Variants in SLC38A1 observed in about 807,000 individuals in gnomAD.
SLC38A1 encodes solute carrier family 38 member 1.
In SLC38A1, 18 loss-of-function variants were observed where a neutral mutation model predicts 60.3. The observed-to-expected ratio is 0.30, with a 90% CI of 0.21 to 0.44. The LOEUF is 0.44. Among genes scored for constraint, SLC38A1 ranks in the 20% least tolerant of loss-of-function variants. The pLI, the probability that SLC38A1 is intolerant of heterozygous loss-of-function variation, is 1.00. For synonymous variants in SLC38A1, 196 were observed against 212.1 expected (o/e 0.92, Z 0.66); for missense variants, 448 against 587.2 (o/e 0.76, Z 2.45).
intron 7 of SLC38A1, 102 bp from the exon 8 acceptor site, chr12:46,207,338 A>G (rs1274870092): frequency 1.8e-6 from 2 of 1,114,414 alleles, no homozygotes; most frequent in East Asian, 2.5e-5. Context: ...TGTCAGTAAG[A>G]CACAAAGGCA....
chr12:46,220,018 T>G (rs1940594085), intron 5 of SLC38A1, among the ~76,000 whole-genome samples: 1 of 152,240 alleles, frequency 6.6e-6, no homozygotes, highest in South Asian at 2.1e-4. Context: ...AGAACCCCCT[T>G]ATCAGATGCA....
At position 46,188,834 on chromosome 12, in the gene SLC38A1, A is replaced by G; in HGVS notation, c.*136T>C. 1.5e-6 allele frequency: 1 copy of G among 678,372 alleles called. No individual in the cohort carries two copies. The allele number at this position is 678,372 out of a possible 1,614,324, so 42.0% of individuals were successfully genotyped here. A position where few individuals can be genotyped will look rare whatever the true frequency, so the allele number is the denominator to read the frequency against. On this transcript the variant is annotated 3_prime_UTR_variant, in exon 17 of 17. Coordinates refer to ENST00000398637, the MANE Select transcript of SLC38A1 (RefSeq NM_030674.4). ...GAACCATGTCTCTGTTTTGCAACCA[A>G]AAAGTTATTCCATTTTAAGTATCCT...
At chr12:46,223,313 T>C (rs760309722) in intron 5 of SLC38A1, among the ~76,000 whole-genome samples, 3 of 152,202 alleles carry the variant, frequency 2.0e-5, no homozygotes, top group Non-Finnish European at 2.9e-5. Context: ...GTGTAGCATA[T>C]ATAGATACTG....
At chr12:46,192,662 A>C (rs1402296755) in intron 16 of SLC38A1, among the ~76,000 whole-genome samples, 1 of 152,244 alleles carries the variant, frequency 6.6e-6, no homozygotes, top group African/African-American at 2.4e-5. Flanking sequence ...TAGTCTTGGG[A>C]GGGTTTATGT....
At chr12:46,190,483 T>C (rs1020753498) in intron 16 of SLC38A1, among the ~76,000 whole-genome samples, 2 of 152,254 alleles carry the variant, frequency 1.3e-5, no homozygotes, top group South Asian at 2.1e-4. Flanking sequence ...ATGGTATTTC[T>C]AGTTCTGGAT....
At position 46,207,593 on chromosome 12, in the gene SLC38A1, T is replaced by A; in HGVS notation, c.417A>T (p.Glu139Asp). 6.2e-7 allele frequency: 1 copy of A among 1,613,950 alleles called. No individual in the cohort carries two copies. The highest frequency in any genetic ancestry group is 8.5e-7 in the Non-Finnish European group (1 of 1,179,814). Residue 139 changes from glutamate (E) to aspartate (D), a missense_variant, in exon 7 of 17, where the codon GAA becomes GAT. Transcript: ENST00000398637. ...TGCMVYEKLG[E>D]QVFGTTGKFV... ...ACTTCCCTGTGGTGCCAAAGACTTG[T>A]TCCCCCAGCTTTTCATACACCATGC...
rs1230524695 is a variant in SLC38A1 at position 46,239,811 on chromosome 12, T to C, written c.-11A>G. ...TTTGAAATGCATCATGATTAGAAAG[T>C]GTCTGTAGTTTGAAAATTAGTCCAA... is the stretch of plus-strand genomic sequence containing the variant. On this transcript the variant is annotated 5_prime_UTR_variant, in exon 3 of 17. Transcript: ENST00000398637. 14 of 1,611,886 alleles carry C rather than the reference T, an allele frequency of 8.7e-6. No homozygotes were observed. Among genetic ancestry groups the C allele is most frequent in the South Asian group, 2.2e-5 (2 of 91,004 alleles).
intron 1 of SLC38A1, among the ~76,000 whole-genome samples, chr12:46,252,885 T>G (rs1941900060): frequency 6.6e-6 from 1 of 151,666 alleles, no homozygotes; most frequent in Non-Finnish European, 1.5e-5. Flanking sequence ...AAGGGGATCC[T>G]CTCATTTGCC....
chr12:46,216,758 G>A (rs988960651), intron 5 of SLC38A1, among the ~76,000 whole-genome samples: 1 of 152,126 alleles, frequency 6.6e-6, no homozygotes, highest in African/African-American at 2.4e-5. Context: ...TACTCGGGAG[G>A]CTGAGGCAGG....
chr12:46,261,069 T>A (rs757131884), intron 1 of SLC38A1, among the ~76,000 whole-genome samples: 12 of 152,202 alleles, frequency 7.9e-5, no homozygotes, highest in Non-Finnish European at 1.6e-4. Context: ...CTTATGCAGT[T>A]TTCTGCTTTG....
intron 1 of SLC38A1, among the ~76,000 whole-genome samples, chr12:46,252,097 A>G (rs1168044589): frequency 6.6e-6 from 1 of 152,222 alleles, no homozygotes; most frequent in Non-Finnish European, 1.5e-5. Context: ...CCAAATGTCC[A>G]TCGATGATAG....
At chr12:46,210,117 C>T (rs1328188890) in intron 5 of SLC38A1, among the ~76,000 whole-genome samples, 1 of 152,176 alleles carries the variant, frequency 6.6e-6, no homozygotes, top group Non-Finnish European at 1.5e-5. Context: ...GCGTGGGCTG[C>T]TTCCTCCTGG....
chr12:46,207,502 A>G, intron 7 of SLC38A1, 27 bp downstream of exon 7: 3 of 1,592,804 alleles, frequency 1.9e-6, no homozygotes, highest in Non-Finnish European at 2.6e-6. Flanking sequence ...GTTTCAAGTT[A>G]TGTAAAGAAA....
intron 1 of SLC38A1, among the ~76,000 whole-genome samples, chr12:46,257,909 G>T (rs571930873): frequency 1.3e-5 from 2 of 152,356 alleles, no homozygotes; most frequent in African/African-American, 4.8e-5. Flanking sequence ...AATTCAGGGT[G>T]AGTCCATAGA....
intron 4 of SLC38A1, 113 bp downstream of exon 4, chr12:46,229,451 T>A (rs1289917359): frequency 1.5e-5 from 13 of 869,374 alleles, no homozygotes; most frequent in Non-Finnish European, 1.9e-5. Flanking sequence ...ATGAGGAATA[T>A]CCTGGTGAAT....
chr12:46,221,979 G>A (rs953212326), intron 5 of SLC38A1, among the ~76,000 whole-genome samples: 1 of 152,092 alleles, frequency 6.6e-6, no homozygotes, highest in African/African-American at 2.4e-5. Flanking sequence ...AAAGACCAAG[G>A]TAACAGTTTT....
At chr12:46,265,090 C>T (rs978574082) in intron 1 of SLC38A1, among the ~76,000 whole-genome samples, 1 of 152,214 alleles carries the variant, frequency 6.6e-6, no homozygotes, top group African/African-American at 2.4e-5. Context: ...ATATGGAATG[C>T]TAACACTATA....
intron 16 of SLC38A1, among the ~76,000 whole-genome samples, chr12:46,191,450 T>A (rs1247798713): frequency 6.6e-6 from 1 of 152,208 alleles, no homozygotes; most frequent in Non-Finnish European, 1.5e-5. Context: ...TTTAAAGTAG[T>A]TTTTTCCAAT....
chr12:46,206,909 G>A (rs934760619), intron 8 of SLC38A1, among the ~76,000 whole-genome samples: 1 of 152,078 alleles, frequency 6.6e-6, no homozygotes, highest in African/African-American at 2.4e-5. Flanking sequence ...CAGGCTCTGG[G>A]GAAAATGCAG....
Sources: allele counts gnomAD v4.1 joint callset (sites outside exome capture counted in the v4.1 genomes callset), GRCh38; gene constraint gnomAD v4.1.1; transcripts MANE v1.5; gene names NCBI Gene and HGNC (gene_info 2026-07-23, HGNC 2026-07-21).